Variants in DCDC1 observed in about 807,000 individuals in gnomAD.
DCDC1 encodes the protein doublecortin domain-containing protein 1.
In DCDC1, 200 loss-of-function variants were observed where a neutral mutation model predicts 178.3. The ratio of observed to expected loss-of-function variants is 1.12; its 90% CI spans 1.00 to 1.26. DCDC1 has a LOEUF of 1.26. Ranked by LOEUF, DCDC1 falls within the 50% of genes most tolerant of loss-of-function variation. The probability of loss-of-function intolerance (pLI) is 0.00; values close to 1 mark genes in which losing one functional copy is unlikely to be tolerated. For synonymous variants in DCDC1, 690 were observed against 604.8 expected (o/e 1.14, Z -2.07); for missense variants, 1,983 against 1,749.2 (o/e 1.13, Z -2.38).
intron 38 of DCDC1, among the ~76,000 whole-genome samples, chr11:30,869,299 G>A (rs923488373): frequency 1.3e-5 from 2 of 152,238 alleles, no homozygotes; most frequent in Non-Finnish European, 2.9e-5. Context: ...TCTATGGATT[G>A]ACATAATGCA....
chr11:31,311,133 A>C (rs1948747146), intron 3 of DCDC1, among the ~76,000 whole-genome samples: 1 of 152,150 alleles, frequency 6.6e-6, no homozygotes, highest in Non-Finnish European at 1.5e-5. Context: ...CTCTGTCTAT[A>C]TGACTTACGT....
chr11:30,888,581 G>T (rs1453205774), intron 36 of DCDC1, among the ~76,000 whole-genome samples: 2 of 152,136 alleles, frequency 1.3e-5, no homozygotes, highest in Non-Finnish European at 2.9e-5. Context: ...GCCAGGTGTG[G>T]TGGCACATGC....
intron 6 of DCDC1, among the ~76,000 whole-genome samples, chr11:31,295,205 T>C (rs1337934685): frequency 6.6e-6 from 1 of 152,246 alleles, no homozygotes; most frequent in East Asian, 1.9e-4. Context: ...GCTAAGTAAA[T>C]AGTTGTTATA....
intron 38 of DCDC1, among the ~76,000 whole-genome samples, chr11:30,873,370 G>GAC (rs1941808726): frequency 1.3e-5 from 2 of 150,784 alleles, no homozygotes; most frequent in African/African-American, 4.9e-5. Context: ...TATATAGAGA[G>GAC]AGAGAGAGAG....
chr11:31,213,551 C>T (rs1291223905), intron 9 of DCDC1, among the ~76,000 whole-genome samples: 1 of 151,840 alleles, frequency 6.6e-6, no homozygotes, highest in Non-Finnish European at 1.5e-5. Context: ...GAAACCCCAT[C>T]TTTATTAAAA....
intron 20 of DCDC1, among the ~76,000 whole-genome samples, chr11:30,983,890 A>G (rs770804430): frequency 3.9e-5 from 6 of 152,158 alleles, no homozygotes; most frequent in Non-Finnish European, 7.4e-5. Context: ...GGGGGTAAAA[A>G]TCTGGTTATC....
At chr11:31,105,061 A>G (rs1308437401) in intron 13 of DCDC1, among the ~76,000 whole-genome samples, 2 of 152,104 alleles carry the variant, frequency 1.3e-5, no homozygotes, top group Non-Finnish European at 2.9e-5. Flanking sequence ...CGATTTACTT[A>G]ACACGTATTG....
At position 30,888,020 on chromosome 11, in the gene DCDC1, AAG is replaced by A. The variant is rs567285985; in HGVS notation, c.5082+4796_5082+4797del. ...TTCCGTCAAAAAAAAAAAAGAAAGA[AAG>A]AGAGAGAGAGAGAAAGAAAGAAAGA... On this transcript the variant is annotated intron_variant, in intron 36 of 38. Transcript: ENST00000684477. Among the ~76,000 whole-genome samples the A allele has an allele frequency of 9.7e-4, 137 of 141,700 alleles. 5 individuals carry two copies. In the South Asian group the frequency reaches 0.015, roughly 16 times the overall value. The allele number at this position is 141,700 out of a possible 152,430, so 93.0% of individuals were successfully genotyped here. A position where few individuals can be genotyped will look rare whatever the true frequency, so the allele number is the denominator to read the frequency against.
chr11:31,206,542 T>C (rs1394294894), intron 9 of DCDC1, among the ~76,000 whole-genome samples: 2 of 152,046 alleles, frequency 1.3e-5, no homozygotes, highest in Admixed American at 6.5e-5. Context: ...GCCTCCGGAG[T>C]AGCTGGGATT....
chr11:31,051,524 C>G (rs2135412626), intron 20 of DCDC1, among the ~76,000 whole-genome samples: 1 of 152,302 alleles, frequency 6.6e-6, no homozygotes, highest in Admixed American at 6.5e-5. Flanking sequence ...ACATTGTCAT[C>G]AGGTTATCCA....
chr11:31,145,142 C>T (rs961107771), intron 9 of DCDC1, among the ~76,000 whole-genome samples: 3 of 152,312 alleles, frequency 2.0e-5, no homozygotes, highest in Non-Finnish European at 2.9e-5. Context: ...CAATCCCTAT[C>T]TGAGCCCTTG....
chr11:31,094,249 T>C, intron 15 of DCDC1, 65 bp from the exon 16 acceptor site: 1 of 735,042 alleles, frequency 1.4e-6, no homozygotes, highest in South Asian at 1.4e-5. Context: ...CTCAACACAC[T>C]TACCCAAAAT....
intron 1 of DCDC1, among the ~76,000 whole-genome samples, chr11:31,347,921 T>C (rs1043427166): frequency 6.6e-6 from 1 of 152,214 alleles, no homozygotes; most frequent in Admixed American, 6.5e-5. Flanking sequence ...GTAGGTGGCA[T>C]GGCACAGCTG....
intron 20 of DCDC1, among the ~76,000 whole-genome samples, chr11:31,039,363 G>T (rs924675259): frequency 6.6e-6 from 1 of 152,164 alleles, no homozygotes. Context: ...GCTTTAAAAT[G>T]TAATATGCAC....
intron 9 of DCDC1, among the ~76,000 whole-genome samples, chr11:31,202,399 CA>C (rs111924512): frequency 4.8e-4 from 63 of 131,146 alleles, no homozygotes; most frequent in Admixed American, 5.4e-4. Context: ...CTCATCTCCG[CA>C]AAAAAAAAAA....
At chr11:31,341,336 ATC>A (rs1252206941) in intron 1 of DCDC1, among the ~76,000 whole-genome samples, 1 of 152,042 alleles carries the variant, frequency 6.6e-6, no homozygotes, top group Non-Finnish European at 1.5e-5. Flanking sequence ...TGCGAGTAGA[ATC>A]TCTGAGTTAT....
At chr11:30,898,684 C>A (rs1944421807) in intron 34 of DCDC1, among the ~76,000 whole-genome samples, 1 of 152,088 alleles carries the variant, frequency 6.6e-6, no homozygotes, top group Non-Finnish European at 1.5e-5. Flanking sequence ...TAGTAGTAGT[C>A]ATTATTTTCA....
chr11:31,120,594 G>A (rs1173307788), intron 11 of DCDC1, among the ~76,000 whole-genome samples: 1 of 152,100 alleles, frequency 6.6e-6, no homozygotes, highest in East Asian at 1.9e-4. Flanking sequence ...CAAGCTCTAG[G>A]TCCCACAGAA....
chr11:31,214,585 G>C (rs776525004), intron 9 of DCDC1, among the ~76,000 whole-genome samples: 19 of 152,126 alleles, frequency 1.2e-4, no homozygotes, highest in Non-Finnish European at 2.5e-4. Flanking sequence ...AGCCAAACAG[G>C]CTCTGATTTC....
Sources: allele counts gnomAD v4.1 joint callset (sites outside exome capture counted in the v4.1 genomes callset), GRCh38; gene constraint gnomAD v4.1.1; transcripts MANE v1.5; gene names NCBI Gene and HGNC (gene_info 2026-07-23, HGNC 2026-07-21).